FGF14: variants seen among roughly 807,000 people sequenced by gnomAD.
FGF14 encodes the protein fibroblast growth factor homologous factor 4.
In FGF14, 5 loss-of-function variants were observed where a neutral mutation model predicts 25.5. The observed-to-expected ratio is 0.20, with a 90% CI of 0.10 to 0.41. The LOEUF (loss-of-function observed/expected upper bound fraction) is 0.41. Ranked by LOEUF, FGF14 falls within the 10% of genes least tolerant of loss-of-function variation. FGF14 has a pLI of 1.00. For synonymous variants in FGF14, 138 were observed against 118.3 expected (o/e 1.17, Z -1.08); for missense variants, 222 against 320.1 (o/e 0.69, Z 2.34).
intron 1 of FGF14, among the ~76,000 whole-genome samples, chr13:101,898,791 G>C (rs2031107996): frequency 6.6e-6 from 1 of 152,130 alleles, no homozygotes; most frequent in Admixed American, 6.6e-5. Flanking sequence ...AACAAGAAGA[G>C]AAAAGAAAGA....
chr13:102,042,899 T>C (rs2041810250), intron 1 of FGF14, among the ~76,000 whole-genome samples: 1 of 152,204 alleles, frequency 6.6e-6, no homozygotes, highest in South Asian at 2.1e-4. Context: ...TATTGTAGAA[T>C]ATGCAGTACC....
chr13:101,797,772 T>TGTGTGG (rs34927828), intron 3 of FGF14, among the ~76,000 whole-genome samples: 1 of 145,556 alleles, frequency 6.9e-6, no homozygotes, highest in African/African-American at 2.5e-5. Flanking sequence ...TGTGTGTGTG[T>TGTGTGG]GTGTGTGTGT....
chr13:102,162,157 C>T (rs951337469), intron 1 of FGF14, among the ~76,000 whole-genome samples: 5 of 152,066 alleles, frequency 3.3e-5, no homozygotes, highest in East Asian at 1.9e-4. Flanking sequence ...AACTGGGAGG[C>T]GGTTGGCACT....
At chr13:102,394,639 A>G (rs979703626) in intron 1 of FGF14, 2 of 152,332 alleles carry the variant, frequency 1.3e-5, no homozygotes, top group Admixed American at 6.5e-5. Context: ...TGCGTAGCGA[A>G]GCCCCCGGCG....
chr13:102,141,477 G>A (rs946587819), intron 1 of FGF14, among the ~76,000 whole-genome samples: 2 of 152,174 alleles, frequency 1.3e-5, no homozygotes, highest in African/African-American at 4.8e-5. Flanking sequence ...TTTTAAAACA[G>A]ATTTCAAGAC....
At chr13:102,333,359 T>C (rs1295445053) in intron 1 of FGF14, among the ~76,000 whole-genome samples, 2 of 152,154 alleles carry the variant, frequency 1.3e-5, no homozygotes, top group Non-Finnish European at 2.9e-5. Context: ...GGTAGGAAGG[T>C]CTTTATTCCA....
At chr13:102,053,142 A>G (rs2042287897) in intron 1 of FGF14, among the ~76,000 whole-genome samples, 1 of 152,146 alleles carries the variant, frequency 6.6e-6, no homozygotes, top group African/African-American at 2.4e-5. Context: ...CAAGAAAGGA[A>G]CAAAGGATCT....
intron 1 of FGF14, among the ~76,000 whole-genome samples, chr13:101,991,975 A>C (rs140986778): frequency 5.0e-4 from 76 of 152,250 alleles, no homozygotes; most frequent in African/African-American, 1.8e-3. Flanking sequence ...GGTTTTGCCA[A>C]AGCATAACCC....
chr13:101,728,480 A>C (rs968888220), intron 3 of FGF14, among the ~76,000 whole-genome samples: 1 of 152,160 alleles, frequency 6.6e-6, no homozygotes, highest in African/African-American at 2.4e-5. Context: ...GTCAATGTCC[A>C]GGCCATGCGC....
In FGF14 at chr13:102,285,406, T is replaced by C. The variant is rs143251839; in HGVS notation, c.208+116065A>G. On this transcript the variant is annotated intron_variant, in intron 1 of 4. Transcript: ENST00000376131. ...GTTTACATCCGTGAATTTCAGGAATTAGACTGAACTGACAGTTGGTGGGGT... is the reference window on the plus strand; with the variant it reads ...GTTTACATCCGTGAATTTCAGGAATCAGACTGAACTGACAGTTGGTGGGGT... Among the ~76,000 whole-genome samples, 545 of 152,300 alleles carry C rather than the reference T, an allele frequency of 3.6e-3. 1 individual carries two copies. Among genetic ancestry groups the C allele is most frequent in the African/African-American group, 0.012 (518 of 41,580 alleles).
intron 3 of FGF14, among the ~76,000 whole-genome samples, chr13:101,839,425 GACTCTCATGA>G (rs886786814): frequency 6.6e-5 from 10 of 151,962 alleles, no homozygotes; most frequent in Non-Finnish European, 1.5e-4. Context: ...GGCCAATTAT[GACTCTCATGA>G]AAAAGTAATA....
chr13:101,986,126 T>C (rs2139643800), intron 1 of FGF14, among the ~76,000 whole-genome samples: 1 of 152,266 alleles, frequency 6.6e-6, no homozygotes, highest in Non-Finnish European at 1.5e-5. Context: ...AAGTTGACTA[T>C]TATTTAGGTC....
intron 1 of FGF14, among the ~76,000 whole-genome samples, chr13:102,033,506 C>T (rs2041318115): frequency 6.6e-6 from 1 of 152,154 alleles, no homozygotes; most frequent in South Asian, 2.1e-4. Context: ...CGCACACACA[C>T]ACACACACAC....
chr13:102,341,291 AAAAG>A (rs1180896157), intron 1 of FGF14, among the ~76,000 whole-genome samples: 1 of 152,220 alleles, frequency 6.6e-6, no homozygotes, highest in Non-Finnish European at 1.5e-5. Context: ...ATGCAAATAA[AAAAG>A]AAAGAAAAAT....
chr13:102,161,770 T>A (rs1490744002), intron 1 of FGF14, among the ~76,000 whole-genome samples: 1 of 151,140 alleles, frequency 6.6e-6, no homozygotes, highest in Non-Finnish European at 1.5e-5. Flanking sequence ...AAGCTCTATG[T>A]GGGCAGGAAC....
chr13:102,021,051 A>T (rs1219911293), intron 1 of FGF14, among the ~76,000 whole-genome samples: 2 of 152,000 alleles, frequency 1.3e-5, no homozygotes, highest in African/African-American at 4.8e-5. Flanking sequence ...TTTGATGACA[A>T]GCTAGGGGTA....
At chr13:102,272,750 T>C (rs1435853916) in intron 1 of FGF14, among the ~76,000 whole-genome samples, 2 of 152,110 alleles carry the variant, frequency 1.3e-5, no homozygotes, top group Admixed American at 6.6e-5. Context: ...CGTATAGATA[T>C]TGAGTGATAT....
chr13:101,794,509 C>A (rs12428110), intron 3 of FGF14, among the ~76,000 whole-genome samples: 62,513 of 151,920 alleles, frequency 0.41, 15,150 homozygotes, highest in Non-Finnish European at 0.54. Flanking sequence ...CATTTTGATA[C>A]ACGAACTAAT....
intron 3 of FGF14, among the ~76,000 whole-genome samples, chr13:101,739,016 A>ATC (rs2036369062): frequency 6.8e-6 from 1 of 146,634 alleles, no homozygotes; most frequent in Non-Finnish European, 1.5e-5. Flanking sequence ...ATATCTATCT[A>ATC]TATATATATA....
Sources: gnomAD v4.1 joint callset for allele counts (sites outside exome capture counted in the v4.1 genomes callset) on GRCh38, gnomAD v4.1.1 for gene constraint, MANE v1.5 for transcripts, NCBI Gene and HGNC (gene_info 2026-07-23, HGNC 2026-07-21) for gene names.